The following ESRRG variants were observed in gnomAD, a reference collection of about 807,000 sequenced individuals.
The protein encoded by ESRRG is estrogen related receptor gamma, also known as estrogen-related receptor gamma.
Under a neutral mutation model 44.0 loss-of-function variants are expected in ESRRG, and 13 were observed. The ratio of observed to expected loss-of-function variants is 0.30; its 90% CI spans 0.19 to 0.47. The LOEUF (loss-of-function observed/expected upper bound fraction) is 0.47. Among genes scored for constraint, ESRRG ranks in the 20% least tolerant of loss-of-function variants. The pLI is 1.00. For synonymous variants in ESRRG, 215 were observed against 214.6 expected, an observed-to-expected ratio of 1.00 and a Z score of -0.02; for missense variants, 395 against 580.6, an observed-to-expected ratio of 0.68 and a Z score of 3.29.
intron 1 of ESRRG, among the ~76,000 whole-genome samples, chr1:217,021,624 A>G (rs1453754753): frequency 6.6e-6 from 1 of 152,226 alleles, no homozygotes; most frequent in African/African-American, 2.4e-5. Flanking sequence ...CACCCAGGGC[A>G]AAAGCAAGGA....
intron 1 of ESRRG, among the ~76,000 whole-genome samples, chr1:217,135,781 T>G (rs2102557855): frequency 6.6e-6 from 1 of 152,240 alleles, no homozygotes; most frequent in East Asian, 1.9e-4. Context: ...GCTGGGCGCC[T>G]CCGGGATCGC....
chr1:216,979,837 A>C (rs920579618), intron 1 of ESRRG, among the ~76,000 whole-genome samples: 6 of 152,088 alleles, frequency 3.9e-5, no homozygotes, highest in Non-Finnish European at 7.4e-5. Context: ...CAGCTTGCCC[A>C]TTTCAAAAGA....
intron 2 of ESRRG, among the ~76,000 whole-genome samples, chr1:216,846,036 G>T (rs75287233): frequency 6.6e-6 from 1 of 151,962 alleles, no homozygotes; most frequent in South Asian, 2.1e-4. Context: ...ATTCCTGATC[G>T]TAAAAATAAT....
intron 2 of ESRRG, among the ~76,000 whole-genome samples, chr1:216,854,353 C>CAAAAAAAAAAA (rs57421256): frequency 1.2e-4 from 8 of 67,092 alleles, no homozygotes; most frequent in East Asian, 5.6e-4. Context: ...AAGACACCAT[C>CAAAAAAAAAAA]AAAAAAAAAA....
chr1:216,698,684 TATG>T (rs2080774339), intron 1 of ESRRG, among the ~76,000 whole-genome samples: 1 of 151,742 alleles, frequency 6.6e-6, no homozygotes, highest in Non-Finnish European at 1.5e-5. Context: ...AAAAAAACAA[TATG>T]ATGGTTTCGA....
intron 2 of ESRRG, among the ~76,000 whole-genome samples, chr1:216,760,965 C>T (rs1480529140): frequency 1.3e-5 from 2 of 152,022 alleles, no homozygotes; most frequent in Non-Finnish European, 2.9e-5. Flanking sequence ...CTTTCAAGGG[C>T]TGCAAGTCTC....
intron 2 of ESRRG, among the ~76,000 whole-genome samples, chr1:216,939,204 T>C (rs1357395763): frequency 6.6e-6 from 1 of 151,980 alleles, no homozygotes; most frequent in East Asian, 1.9e-4. Context: ...TAAGAAATAG[T>C]CTGACTTTCA....
intron 1 of ESRRG, among the ~76,000 whole-genome samples, chr1:217,031,871 C>G (rs540107618): frequency 6.6e-6 from 1 of 152,180 alleles, no homozygotes; most frequent in Non-Finnish European, 1.5e-5. Flanking sequence ...TTGGAAGTTT[C>G]CTGAAGCCCC....
intron 5 of ESRRG, among the ~76,000 whole-genome samples, chr1:216,547,444 T>C (rs17610844): frequency 0.2 from 30,234 of 152,076 alleles, 3,799 homozygotes; most frequent in Non-Finnish European, 0.27. Flanking sequence ...CAATTCTAAA[T>C]TTTAAAAATG....
intron 2 of ESRRG, among the ~76,000 whole-genome samples, chr1:216,844,377 A>G (rs1371430815): frequency 6.6e-6 from 1 of 152,148 alleles, no homozygotes; most frequent in African/African-American, 2.4e-5. Context: ...GGGAAATCAC[A>G]TAGCATCACT....
chr1:216,604,995 G>A (rs1276867782), intron 3 of ESRRG, among the ~76,000 whole-genome samples: 3 of 152,190 alleles, frequency 2.0e-5, no homozygotes, highest in African/African-American at 7.2e-5. Flanking sequence ...GATGGAAGGA[G>A]GGAGGGGGAG....
At chr1:216,943,833 AT>A (rs1043652452) in intron 1 of ESRRG, among the ~76,000 whole-genome samples, 2 of 151,892 alleles carry the variant, frequency 1.3e-5, no homozygotes, top group African/African-American at 4.8e-5. Context: ...TTATTTGAAG[AT>A]TTTTTTTCAG....
At chr1:216,888,461 G>C (rs2057342644) in intron 2 of ESRRG, among the ~76,000 whole-genome samples, 1 of 152,006 alleles carries the variant, frequency 6.6e-6, no homozygotes, top group South Asian at 2.1e-4. Flanking sequence ...TTTACACTTA[G>C]GCTTTATAAT....
At chr1:216,803,738 C>T (rs1395563882) in intron 2 of ESRRG, among the ~76,000 whole-genome samples, 5 of 152,042 alleles carry the variant, frequency 3.3e-5, no homozygotes, top group Non-Finnish European at 7.4e-5. Context: ...GCCAGCCATT[C>T]CTATTTAAAA....
At chr1:216,813,279 C>T (rs2095033751) in intron 2 of ESRRG, among the ~76,000 whole-genome samples, 1 of 152,142 alleles carries the variant, frequency 6.6e-6, no homozygotes. Flanking sequence ...CACTAAGTGG[C>T]TCAGCTGTGA....
chr1:216,817,727 A>T (rs2095183015), intron 2 of ESRRG, among the ~76,000 whole-genome samples: 1 of 152,208 alleles, frequency 6.6e-6, no homozygotes, highest in African/African-American at 2.4e-5. Flanking sequence ...AATTGGTGGA[A>T]AATTTAGGGA....
At chr1:216,997,486 A>G (rs992638663) in intron 1 of ESRRG, among the ~76,000 whole-genome samples, 2 of 152,202 alleles carry the variant, frequency 1.3e-5, no homozygotes, top group Admixed American at 6.5e-5. Flanking sequence ...TTTAAGGTAC[A>G]TATTGCAGGA....
intron 1 of ESRRG, among the ~76,000 whole-genome samples, chr1:217,084,085 G>GT (rs1294713605): frequency 2.7e-5 from 4 of 150,376 alleles, no homozygotes; most frequent in African/African-American, 7.3e-5. Flanking sequence ...AAGTCATTAG[G>GT]TTTTTTTCCC....
upstream of ESRRG, among the ~76,000 whole-genome samples, chr1:217,092,976 C>T (rs1189994707): frequency 6.7e-6 from 1 of 148,590 alleles, no homozygotes; most frequent in Non-Finnish European, 1.5e-5. Context: ...TAAGGTAGAA[C>T]TTCATATGGG....
Sources: gnomAD v4.1 joint callset for allele counts (sites outside exome capture counted in the v4.1 genomes callset) on GRCh38, gnomAD v4.1.1 for gene constraint, MANE v1.5 for transcripts, NCBI Gene and HGNC (gene_info 2026-07-23, HGNC 2026-07-21) for gene names.